Variants in KRT6A observed in about 807,000 individuals in gnomAD.
The protein encoded by KRT6A is keratin, type II cytoskeletal 6A.
Under a neutral mutation model 48.6 loss-of-function variants are expected in KRT6A, and 28 were observed. The ratio of observed to expected loss-of-function variants is 0.58; its 90% CI spans 0.43 to 0.79. The LOEUF (loss-of-function observed/expected upper bound fraction) is 0.79. Among genes scored for constraint, KRT6A ranks in the 30% least tolerant of loss-of-function variants. KRT6A has a pLI of 0.00. For synonymous variants in KRT6A, 301 were observed against 294.2 expected (o/e 1.02, Z -0.24); for missense variants, 687 against 724.3 (o/e 0.95, Z 0.59).
At chr12:52,489,060 G>T (rs1938204057) in intron 6 of KRT6A, among the ~76,000 whole-genome samples, 1 of 152,114 alleles carries the variant, frequency 6.6e-6, no homozygotes, top group African/African-American at 2.4e-5. Context: ...GTCTTGAGCA[G>T]ATTTGAAACA....
In KRT6A at chr12:52,488,519, A is replaced by G. The variant is rs374013120; in HGVS notation, c.1233T>C (p.Asp411=). The part of the protein sequence containing the change: ...QCANLQAAIA[D]AEQRGEMALK... ...GGGCCATCTCCCCACGCTGCTCAGCATCAGCAATGGCGGCCTGCAGGTTGG... is the reference window on the plus strand; with the variant it reads ...GGGCCATCTCCCCACGCTGCTCAGCGTCAGCAATGGCGGCCTGCAGGTTGG... Residue 411 remains aspartate (D), a synonymous_variant, in exon 7 of 9, where the codon GAT becomes GAC. Coordinates refer to ENST00000330722, the MANE Select transcript of KRT6A (RefSeq NM_005554.4). 1.1e-5 allele frequency: 18 copies of G among 1,614,152 alleles called. No individual in the cohort carries two copies. In the African/African-American group the frequency reaches 1.9e-4, roughly 17 times the overall value.
chr12:52,491,704 C>T lies in KRT6A; in HGVS notation c.573G>A (p.Leu191=), dbSNP rs770357838. Residue 191 remains leucine (L), a synonymous_variant, in exon 2 of 9, where the codon CTG becomes CTA. Coordinates refer to ENST00000330722, the MANE Select transcript of KRT6A (RefSeq NM_005554.4). ...VRFLEQQNKV[L]ETKWTLLQEQ... ...CCTGCAGCAGGGTCCACTTTGTTTC[C>T]AGAACCTTGTTCTGCTGCTCCAGGA... is the stretch of plus-strand genomic sequence containing the variant. 2 of 1,614,172 alleles carry T rather than the reference C, an allele frequency of 1.2e-6. No individual in the cohort carries two copies. Among genetic ancestry groups the T allele is most frequent in the South Asian group, 1.1e-5 (1 of 91,076 alleles).
rs777572509 is a variant in KRT6A at position 52,491,741 on chromosome 12, AAG to A, written c.541-7_541-6del. The A allele has an allele frequency of 7.4e-6, 12 of 1,611,244 alleles. No homozygotes were observed. Among genetic ancestry groups the A allele is most frequent in the Non-Finnish European group, 1.0e-5 (12 of 1,177,364 alleles). On this transcript the variant is annotated splice_region_variant and splice_polypyrimidine_tract_variant and intron_variant, in intron 1 of 8. Coordinates refer to ENST00000330722, the MANE Select transcript of KRT6A (RefSeq NM_005554.4). ...CTGCTGCTCCAGGAACCGCACCTGA[AAG>A]AGAGACAAGATGATCATTTTCCAGG...
At chr12:52,489,511 C>A (rs1274535283) in intron 6 of KRT6A, among the ~76,000 whole-genome samples, 1 of 152,154 alleles carries the variant, frequency 6.6e-6, no homozygotes, top group East Asian at 1.9e-4. Context: ...TCACTCCTGA[C>A]CTCATGATCC....
chr12:52,488,745 C>G (rs1938198740), intron 6 of KRT6A, among the ~76,000 whole-genome samples, 197 bp from the exon 7 acceptor site: 1 of 152,042 alleles, frequency 6.6e-6, no homozygotes, highest in African/African-American at 2.4e-5. Context: ...ACTCATAACC[C>G]TTTTTGTGAA....
chr12:52,490,044 C>A lies in KRT6A; in HGVS notation c.1102G>T (p.Gly368Cys), dbSNP rs779941716. The A allele has an allele frequency of 1.9e-6, 3 of 1,614,072 alleles. No individual in the cohort carries two copies. Among genetic ancestry groups the A allele is most frequent in the East Asian group, 2.2e-5 (1 of 44,858 alleles). The change falls in exon 6 of 9, where the codon GGC becomes TGC. Residue 368 changes from glycine to cysteine, a missense_variant. Around this residue, in one of 3 missense-constraint regions of KRT6A, gnomAD observed 566 missense variants for 565.3 expected, o/e 1.00. Transcript: ENST00000330722. ...TKYEELQVTAGRHGDDLRNTK... is the reference protein window; with the variant it reads ...TKYEELQVTACRHGDDLRNTK... ...TTGCGCAGGTCGTCCCCATGTCTGC[C>A]TGCTGTGACCTGCAGCTCCTCGTAC...
chr12:52,488,214 T>C, intron 7 of KRT6A, 111 bp from the exon 8 acceptor site: 1 of 1,613,250 alleles, frequency 6.2e-7, no homozygotes, highest in South Asian at 1.1e-5. Context: ...CTCTTTTAGT[T>C]TTCTCTCAGG....
chr12:52,492,676 G>A lies in KRT6A; in HGVS notation c.513C>T (p.Asn171=). 6.2e-7 allele frequency: 1 copy of A among 1,614,026 alleles called. No homozygotes were observed. Among genetic ancestry groups the A allele is most frequent in the Non-Finnish European group, 8.5e-7 (1 of 1,179,936 alleles). ...TGTCGATGAAGGAGGCAAACTTGTT[G>A]TTGAGGGTCTTGATCTGTTCACGCT... ...AEEREQIKTL[N]NKFASFIDKV... Residue 171 remains asparagine (N), a synonymous_variant, in exon 1 of 9, where the codon AAC becomes AAT. Coordinates refer to ENST00000330722, the MANE Select transcript of KRT6A (RefSeq NM_005554.4).
rs770184809 is a variant in KRT6A, at chr12:52,487,673, C to T, written c.*47G>A. On this transcript the variant is annotated 3_prime_UTR_variant, in exon 9 of 9. Coordinates refer to ENST00000330722, the MANE Select transcript of KRT6A (RefSeq NM_005554.4). ...CAACCTGAGGAGAGGGCTCTGCAGC[C>T]AGAGAGGGGCCTGAGGACTGTGGGA... is the stretch of plus-strand genomic sequence containing the variant. 1.4e-5 allele frequency: 23 copies of T among 1,613,174 alleles called. No homozygotes were observed. Among genetic ancestry groups the T allele is most frequent in the Non-Finnish European group, 1.9e-5 (23 of 1,179,506 alleles).
Position 52,488,094 on chromosome 12 carries a change from G to A in KRT6A, c.1434C>T (p.Gly478=), listed in dbSNP as rs768734860. The stretch of plus-strand genomic sequence containing the variant: ...AGATGTTGACTTGTCCAACGCCTTC[G>A]CCATTCAGCCTGTGGAGAGGAACAC... ...LLEGEECRLN[G]EGVGQVNISV... is the part of the protein sequence containing the mutation. The change falls in exon 8 of 9, where the codon GGC becomes GGT. Residue 478 remains glycine (G), a synonymous_variant. Transcript: ENST00000330722. 15 of 1,613,858 alleles carry A rather than the reference G, an allele frequency of 9.3e-6. No homozygotes were observed. Among genetic ancestry groups the A allele is most frequent in the African/African-American group, 6.7e-5 (5 of 74,918 alleles).
chr12:52,492,711 G>A lies in KRT6A; in HGVS notation c.478C>T (p.Arg160Trp), dbSNP rs1481146150. 4 of 1,613,972 alleles carry A rather than the reference G, an allele frequency of 2.5e-6. No individual in the cohort carries two copies. Among genetic ancestry groups the A allele is most frequent in the East Asian group, 2.2e-5 (1 of 44,870 alleles). Reference protein sequence around the residue: ...LQIDPTIQRVRAEEREQIKTL... With the variant: ...LQIDPTIQRVWAEEREQIKTL... ...TTGATCTGTTCACGCTCCTCAGCCC[G>A]CACCCGCTGGATGGTGGGATCGATT... is the stretch of plus-strand genomic sequence containing the variant. The change falls in exon 1 of 9, where the codon CGG becomes TGG. Residue 160 changes from arginine to tryptophan, a missense_variant. By Grantham distance (101) the Arg-to-Trp change is moderately radical (BLOSUM62 -3). Coordinates refer to ENST00000330722, the MANE Select transcript of KRT6A (RefSeq NM_005554.4).
chr12:52,488,470 C>T lies in KRT6A; in HGVS notation c.1282G>A (p.Glu428Lys), dbSNP rs371779435. The T allele has an allele frequency of 4.1e-5, 66 of 1,614,030 alleles. 1 individual carries two copies. Among genetic ancestry groups the T allele is most frequent in the Middle Eastern group, 1.6e-4 (1 of 6,084 alleles). Residue 428 changes from glutamate to lysine, a missense_variant, in exon 7 of 9, where the codon GAA becomes AAA. By Grantham distance (56) the Glu-to-Lys change is moderately conservative. Around this residue, in one of 3 missense-constraint regions of KRT6A, gnomAD observed 566 missense variants for 565.3 expected, o/e 1.00. Transcript: ENST00000330722. ...TTCTGCAGGGCATCCTCCAGCCCTT[C>T]CAGCTTGTTCTTGGCATCCTTGAGG... ...MALKDAKNKL[E>K]GLEDALQKAK...
At position 52,490,262 on chromosome 12, in the gene KRT6A, C is replaced by T. The variant is rs1938236427; in HGVS notation, c.1078-194G>A. 2.7e-6 allele frequency: 3 copies of T among 1,121,522 alleles called. No individual in the cohort carries two copies. The South Asian group carries it at 4.1e-5, about 15-fold the overall frequency. The allele number at this position is 1,121,522 out of a possible 1,614,324, so 69.5% of individuals were successfully genotyped here. ...ACAGACCATCCTCATTATGGCACCA[C>T]TGCCTGCCTAGTTTCTTTAGGGAGT... On this transcript the variant is annotated intron_variant, in intron 5 of 8. Transcript: ENST00000330722.
At chr12:52,489,592 T>C (rs1938217172) in intron 6 of KRT6A, among the ~76,000 whole-genome samples, 1 of 152,228 alleles carries the variant, frequency 6.6e-6, no homozygotes, top group Admixed American at 6.5e-5. Flanking sequence ...TGTTTTGTTT[T>C]GTTTTGTTTT....
rs1053734 is a variant in KRT6A, at chr12:52,487,811, A to T, written c.1604T>A (p.Ile535Asn). Residue 535 changes from isoleucine to asparagine, a missense_variant, in exon 9 of 9, where the codon ATT becomes AAT. This residue lies in a region of KRT6A where 566 missense variants were observed against 565.3 expected (regional missense o/e 1.00). Coordinates refer to ENST00000330722, the MANE Select transcript of KRT6A (RefSeq NM_005554.4). ...GGFSSSSGRAIGGGLSSVGGG... is the reference protein window; with the variant it reads ...GGFSSSSGRANGGGLSSVGGG... ...TCCAACAGAGCTGAGGCCACCCCCA[A>T]TGGCTCTGCCACTGCTGGAACTGAA... 3.2e-5 allele frequency: 51 copies of T among 1,613,912 alleles called. No homozygotes were observed. The African/African-American group carries it at 6.5e-4, about 21-fold the overall frequency.
At chr12:52,489,214 G>A (rs1439359388) in intron 6 of KRT6A, among the ~76,000 whole-genome samples, 1 of 152,178 alleles carries the variant, frequency 6.6e-6, no homozygotes, top group Non-Finnish European at 1.5e-5. Context: ...ATGCAGCCCA[G>A]GATGGCTTTA....
chr12:52,492,310 C>T (rs1426159004), intron 1 of KRT6A, among the ~76,000 whole-genome samples: 3 of 152,178 alleles, frequency 2.0e-5, no homozygotes, highest in Non-Finnish European at 4.4e-5. Context: ...CTTATCCAGA[C>T]CCCAGAGTGT....
Position 52,488,474 on chromosome 12 carries a change from C to G in KRT6A, c.1278G>C (p.Lys426Asn). 6.2e-7 allele frequency: 1 copy of G among 1,614,168 alleles called. No individual in the cohort carries two copies. The highest frequency in any genetic ancestry group is 8.5e-7 in the Non-Finnish European group (1 of 1,180,040). Residue 426 changes from lysine (K) to asparagine (N), a missense_variant, in exon 7 of 9, where the codon AAG becomes AAC. By Grantham distance (94) the Lys-to-Asn change is moderately conservative. This residue lies in a region of KRT6A where 566 missense variants were observed against 565.3 expected (regional missense o/e 1.00). Coordinates refer to ENST00000330722, the MANE Select transcript of KRT6A (RefSeq NM_005554.4). ...GCAGGGCATCCTCCAGCCCTTCCAG[C>G]TTGTTCTTGGCATCCTTGAGGGCCA... is the stretch of plus-strand genomic sequence containing the variant. ...GEMALKDAKN[K>N]LEGLEDALQK...
At chr12:52,490,226 A>G in intron 5 of KRT6A, 158 bp from the exon 6 acceptor site, 1 of 1,394,290 alleles carries the variant, frequency 7.2e-7, no homozygotes. Flanking sequence ...TGGATACTAA[A>G]CACTGGAGTC....
Sources: gnomAD v4.1 joint callset for allele counts (sites outside exome capture counted in the v4.1 genomes callset) on GRCh38, gnomAD v4.1.1 for gene constraint, gnomAD v4.1.1 regional missense constraint, MANE v1.5 for transcripts, NCBI Gene and HGNC (gene_info 2026-07-23, HGNC 2026-07-21) for gene names.